Variants in TENM4 observed in about 807,000 individuals in gnomAD.
TENM4 encodes teneurin transmembrane protein 4.
Under a neutral mutation model 243.3 loss-of-function variants are expected in TENM4, and 82 were observed. The observed-to-expected ratio is 0.34, with a 90% CI of 0.28 to 0.40. The LOEUF (loss-of-function observed/expected upper bound fraction) is 0.40, where lower values mean the gene tolerates loss of function less well. TENM4 is among the 10% of genes least tolerant of loss of function. The pLI, the probability that TENM4 is intolerant of heterozygous loss-of-function variation, is 1.00. For missense variants in TENM4, 3,138 were observed against 3,673.3 expected (o/e 0.85, Z 3.77); for synonymous variants, 1,412 against 1,456.3 (o/e 0.97, Z 0.69).
chr11:78,734,840 T>G (rs1373147492), intron 20 of TENM4, among the ~76,000 whole-genome samples: 1 of 152,128 alleles, frequency 6.6e-6, no homozygotes, highest in East Asian at 1.9e-4. Context: ...GCTTGATGCT[T>G]AAAAGTTGAT....
At chr11:78,996,297 A>G (rs1858170479) in intron 6 of TENM4, among the ~76,000 whole-genome samples, 1 of 152,170 alleles carries the variant, frequency 6.6e-6, no homozygotes, top group Non-Finnish European at 1.5e-5. Context: ...AGATCCAACT[A>G]TCATGAAAAG....
intron 22 of TENM4, among the ~76,000 whole-genome samples, chr11:78,727,694 G>A (rs941234047): frequency 1.3e-5 from 2 of 152,156 alleles, no homozygotes; most frequent in Non-Finnish European, 2.9e-5. Context: ...CCCCTTAGAA[G>A]GTCACTGGGA....
intron 1 of TENM4, among the ~76,000 whole-genome samples, chr11:79,335,198 T>A (rs1474774552): frequency 6.6e-6 from 1 of 152,122 alleles, no homozygotes. Flanking sequence ...TAGTTCCAGG[T>A]TGATGTGGTT....
At chr11:79,209,733 G>A (rs563788746) in intron 3 of TENM4, among the ~76,000 whole-genome samples, 2 of 152,280 alleles carry the variant, frequency 1.3e-5, no homozygotes, top group Admixed American at 6.5e-5. Context: ...GCTAAGGACC[G>A]CTCCAACCTC....
chr11:79,070,867 G>A (rs568038923), intron 4 of TENM4, among the ~76,000 whole-genome samples: 26 of 152,190 alleles, frequency 1.7e-4, no homozygotes, highest in African/African-American at 5.8e-4. Context: ...TCCCTGAGAC[G>A]TCTCCCTCCT....
intron 6 of TENM4, among the ~76,000 whole-genome samples, chr11:79,035,392 T>C (rs1202616320): frequency 6.6e-6 from 1 of 152,184 alleles, no homozygotes; most frequent in Non-Finnish European, 1.5e-5. Context: ...ATTTGCACCC[T>C]ACAGCTCTGT....
intron 7 of TENM4, among the ~76,000 whole-genome samples, chr11:78,894,531 A>G (rs985919622): frequency 6.6e-6 from 1 of 152,212 alleles, no homozygotes; most frequent in African/African-American, 2.4e-5. Flanking sequence ...TTATCTTCTA[A>G]AAGTACAGAT....
Position 78,684,225 on chromosome 11 carries a change from G to C in TENM4, c.5260+3829C>G, listed in dbSNP as rs1239394218. ...ATTAGGAGCTTGGCTTTGCAGCCAG[G>C]CTACTTCAGCTCAGGTTCCAGCTCT... On this transcript the variant is annotated intron_variant, in intron 29 of 33. Transcript: ENST00000278550. Among the ~76,000 whole-genome samples the C allele has an allele frequency of 2.0e-4, 30 of 152,234 alleles. 1 individual carries two copies. Among genetic ancestry groups the C allele is most frequent in the Admixed American group, 1.9e-3 (29 of 15,284 alleles).
intron 4 of TENM4, among the ~76,000 whole-genome samples, chr11:79,132,263 G>A (rs748369337): frequency 4.7e-5 from 7 of 149,584 alleles, no homozygotes; most frequent in South Asian, 2.1e-4. Context: ...GGAGAATAGC[G>A]TGAACCTGGG....
chr11:78,952,030 C>T (rs1857117831), intron 6 of TENM4, among the ~76,000 whole-genome samples: 1 of 152,126 alleles, frequency 6.6e-6, no homozygotes, highest in Admixed American at 6.5e-5. Context: ...TCACCAGTTC[C>T]CCTTACTAGT....
chr11:79,367,603 C>A (rs1379015818), intron 1 of TENM4, among the ~76,000 whole-genome samples: 1 of 152,194 alleles, frequency 6.6e-6, no homozygotes, highest in Non-Finnish European at 1.5e-5. Context: ...TTATTATTTA[C>A]TTGCTTATAG....
chr11:78,824,316 G>A (rs1038845084), intron 12 of TENM4, among the ~76,000 whole-genome samples: 1 of 152,116 alleles, frequency 6.6e-6, no homozygotes, highest in Non-Finnish European at 1.5e-5. Context: ...GTGGGAGCCT[G>A]CATATCACAT....
At chr11:78,891,730 C>A (rs888924509) in intron 7 of TENM4, among the ~76,000 whole-genome samples, 5 of 152,114 alleles carry the variant, frequency 3.3e-5, no homozygotes, top group African/African-American at 1.2e-4. Flanking sequence ...ATGGGTCTTG[C>A]CAAGGTCACC....
chr11:78,923,249 C>A (rs1207629414), intron 6 of TENM4, among the ~76,000 whole-genome samples: 2 of 152,156 alleles, frequency 1.3e-5, no homozygotes, highest in African/African-American at 4.8e-5. Flanking sequence ...AAATTTTGAA[C>A]CAAGGGCCCT....
In TENM4 at chr11:78,899,573, A is replaced by ATGG. The variant is rs1565430097; in HGVS notation, c.749+3694_749+3695insCCA. ...GTCTCAAAAAGCGGGGGGGGGGGGA[A>ATGG]AAAGAAAAAAGAAAGAAAATTTGAT... On this transcript the variant is annotated intron_variant, in intron 7 of 33. Coordinates refer to ENST00000278550, the MANE Select transcript of TENM4 (RefSeq NM_001098816.3). 7.1e-5 allele frequency among the ~76,000 whole-genome samples: 5 copies of ATGG among 70,028 alleles called. 1 individual carries two copies. The highest frequency in any genetic ancestry group is 3.5e-4 in the Admixed American group (2 of 5,720). 45.9% of individuals were successfully genotyped at this position (70,028 alleles called of 152,430 possible). A position where few individuals can be genotyped will look rare whatever the true frequency, so the allele number is the denominator to read the frequency against.
chr11:78,809,719 C>T (rs1857458189), intron 14 of TENM4, among the ~76,000 whole-genome samples: 1 of 152,312 alleles, frequency 6.6e-6, no homozygotes, highest in Middle Eastern at 3.4e-3. Context: ...GACAGCCTAA[C>T]TTAGTTTCCT....
chr11:79,277,969 T>C lies in TENM4; in HGVS notation c.-265+19519A>G, dbSNP rs1856089253. Among the ~76,000 whole-genome samples the C allele has an allele frequency of 4.6e-5, 7 of 152,180 alleles. No homozygotes were observed. The South Asian group carries it at 1.4e-3, about 32-fold the overall frequency. Reference sequence around the variant, plus strand: ...AGCAGCCTTCCTGCTGAGAACTCACTGTCTTGCAACTCCTTTCTACAAAGT... The same window carrying C: ...AGCAGCCTTCCTGCTGAGAACTCACCGTCTTGCAACTCCTTTCTACAAAGT... On this transcript the variant is annotated intron_variant, in intron 2 of 33. Transcript: ENST00000278550.
At chr11:78,891,103 C>A in intron 8 of TENM4, 135 bp downstream of exon 8, 1 of 725,938 alleles carries the variant, frequency 1.4e-6, no homozygotes, top group East Asian at 2.7e-5. Context: ...GCAAGTTGAA[C>A]ACGGACTTGG....
Position 78,656,997 on chromosome 11 carries a change from C to G in TENM4, c.*1061G>C. On this transcript the variant is annotated 3_prime_UTR_variant, in exon 34 of 34. Coordinates refer to ENST00000278550, the MANE Select transcript of TENM4 (RefSeq NM_001098816.3). The stretch of plus-strand genomic sequence containing the variant: ...CCACATTCCTACGTCTCAGTGGTGG[C>G]GGCTGAGTGGTGGAGGGAAGATACT... 1 of 398,584 alleles carries G rather than the reference C, an allele frequency of 2.5e-6. No individual in the cohort carries two copies. Among genetic ancestry groups the G allele is most frequent in the Non-Finnish European group, 4.4e-6 (1 of 226,072 alleles). 24.7% of individuals were successfully genotyped at this position (398,584 alleles called of 1,614,324 possible).
Sources: gnomAD v4.1 joint callset for allele counts (sites outside exome capture counted in the v4.1 genomes callset) on GRCh38, gnomAD v4.1.1 for gene constraint, MANE v1.5 for transcripts, NCBI Gene and HGNC (gene_info 2026-07-23, HGNC 2026-07-21) for gene names.